Variants in TTC39B observed in about 807,000 individuals in gnomAD.
TTC39B encodes the protein tetratricopeptide repeat domain 39B.
A neutral mutation model predicts 96.6 loss-of-function variants in TTC39B; 92 were observed. The ratio of observed to expected loss-of-function variants is 0.95; its 90% CI spans 0.80 to 1.13. The LOEUF (loss-of-function observed/expected upper bound fraction) is 1.13. Among genes scored for constraint, TTC39B ranks in the 50% most tolerant of loss-of-function variants. The pLI, the probability that TTC39B is intolerant of heterozygous loss-of-function variation, is 0.00. For missense variants in TTC39B, 955 were observed against 809.3 expected, an observed-to-expected ratio of 1.18 and a Z score of -2.18; for synonymous variants, 367 against 299.4, an observed-to-expected ratio of 1.23 and a Z score of -2.33.
intron 8 of TTC39B, among the ~76,000 whole-genome samples, chr9:15,195,377 AC>A (rs1819099060): frequency 6.6e-6 from 1 of 152,148 alleles, no homozygotes; most frequent in Non-Finnish European, 1.5e-5. Context: ...CATCTCTATA[AC>A]AAAAAAGTGC....
chr9:15,167,018 A>T (rs1160343843), exon 20 of TTC39B: 205 of 6,784 alleles, frequency 0.03, 27 homozygotes, highest in East Asian at 0.066. Context: ...ATATATATAT[A>T]TATATATATA....
At chr9:15,239,411 C>A (rs1199456184) in intron 2 of TTC39B, among the ~76,000 whole-genome samples, 1 of 152,166 alleles carries the variant, frequency 6.6e-6, no homozygotes, top group Non-Finnish European at 1.5e-5. Context: ...AATCCCACTG[C>A]CTGGTATCTA....
chr9:15,179,056 C>T (rs1389906630), intron 17 of TTC39B, among the ~76,000 whole-genome samples: 1 of 152,190 alleles, frequency 6.6e-6, no homozygotes, highest in Non-Finnish European at 1.5e-5. Flanking sequence ...AGGATTTTTT[C>T]ACCACTTTTT....
At chr9:15,230,708 A>T (rs1821371575) in intron 2 of TTC39B, among the ~76,000 whole-genome samples, 1 of 152,210 alleles carries the variant, frequency 6.6e-6, no homozygotes, top group Non-Finnish European at 1.5e-5. Context: ...TGGCCAAGGC[A>T]TGGTGGCTCA....
chr9:15,170,949 A>C lies in TTC39B; in HGVS notation c.*1070T>G, dbSNP rs991922186. 3 of 152,218 alleles carry C rather than the reference A, an allele frequency of 2.0e-5. No homozygotes were observed. In the East Asian group the frequency reaches 5.8e-4, roughly 29 times the overall value. The allele number at this position is 152,218 out of a possible 1,614,324, so 9.4% of individuals were successfully genotyped here. On this transcript the variant is annotated 3_prime_UTR_variant, in exon 20 of 20. Transcript: ENST00000512701. ...GACCTTGAAAGTCATCTGTTCTTTA[A>C]TCTTGATTTCACAGAAGAAAATGTG...
intron 6 of TTC39B, among the ~76,000 whole-genome samples, chr9:15,204,121 G>A (rs1819704458): frequency 6.6e-6 from 1 of 152,330 alleles, no homozygotes; most frequent in South Asian, 2.1e-4. Context: ...AAATGTAACT[G>A]CAAAGAGTCA....
chr9:15,219,476 TTG>T (rs1820721296), intron 3 of TTC39B, among the ~76,000 whole-genome samples: 1 of 152,212 alleles, frequency 6.6e-6, no homozygotes, highest in Non-Finnish European at 1.5e-5. Context: ...AGGGATTTTA[TTG>T]TGTTACAATA....
chr9:15,210,149 G>A (rs775326824), exon 6 of TTC39B: 1 of 1,600,736 alleles, frequency 6.2e-7, no homozygotes, highest in South Asian at 1.1e-5. Context: ...CTACAACTGT[G>A]TATTTTTTCC....
chr9:15,166,303 G>C (rs892130498), exon 20 of TTC39B: 4 of 152,130 alleles, frequency 2.6e-5, no homozygotes, highest in African/African-American at 9.7e-5. Context: ...GTGATGTCCT[G>C]TTACAGTATT....
At chr9:15,199,607 C>A (rs944679290) in intron 8 of TTC39B, among the ~76,000 whole-genome samples, 1 of 151,152 alleles carries the variant, frequency 6.6e-6, no homozygotes, top group African/African-American at 2.4e-5. Context: ...TGGTGGCGGG[C>A]GCCTGTAGTC....
chr9:15,172,227 C>A (rs936642804), intron 19 of TTC39B, 118 bp from the exon 20 acceptor site: 5 of 578,216 alleles, frequency 8.6e-6, no homozygotes, highest in South Asian at 3.2e-5. Flanking sequence ...TATACATAAC[C>A]GTAGATCTTA....
chr9:15,190,424 C>T, intron 11 of TTC39B, 130 bp downstream of exon 11: 1 of 699,796 alleles, frequency 1.4e-6, no homozygotes, highest in Non-Finnish European at 2.5e-6. Context: ...TAGCTCACCG[C>T]AGCCTCAAAC....
At chr9:15,195,498 T>C (rs1819107092) in intron 8 of TTC39B, among the ~76,000 whole-genome samples, 1 of 151,562 alleles carries the variant, frequency 6.6e-6, no homozygotes, top group Non-Finnish European at 1.5e-5. Flanking sequence ...GGTGAAACCT[T>C]GCCTCTACTA....
chr9:15,254,993 A>C (rs1822702185), intron 2 of TTC39B, among the ~76,000 whole-genome samples: 1 of 152,062 alleles, frequency 6.6e-6, no homozygotes, highest in African/African-American at 2.4e-5. Context: ...ACCAAATACT[A>C]TGCCCACACC....
chr9:15,235,840 A>T (rs533621842), intron 2 of TTC39B, among the ~76,000 whole-genome samples: 1 of 152,240 alleles, frequency 6.6e-6, no homozygotes, highest in Non-Finnish European at 1.5e-5. Flanking sequence ...TGAAAGGACA[A>T]TACTCACCAT....
chr9:15,291,633 C>T (rs2131603406), intron 1 of TTC39B, among the ~76,000 whole-genome samples: 1 of 152,266 alleles, frequency 6.6e-6, no homozygotes. Flanking sequence ...TGCTATTTAT[C>T]CAACATGTTT....
At chr9:15,171,990 G>C in exon 20 of TTC39B, 1 of 1,550,704 alleles carries the variant, frequency 6.4e-7, no homozygotes, top group Non-Finnish European at 8.9e-7. Flanking sequence ...GATGCTAATT[G>C]AGGAAAAATT....
At chr9:15,236,384 A>G (rs982611119) in intron 2 of TTC39B, among the ~76,000 whole-genome samples, 10 of 152,262 alleles carry the variant, frequency 6.6e-5, no homozygotes, top group Admixed American at 2.6e-4. Context: ...AGGGACTTCA[A>G]CACCTCCACT....
At chr9:15,206,726 A>G (rs1401537542) in intron 6 of TTC39B, among the ~76,000 whole-genome samples, 1 of 152,020 alleles carries the variant, frequency 6.6e-6, no homozygotes, top group African/African-American at 2.4e-5. Context: ...ATAATAGGCT[A>G]TAGTCACAAG....
Sources: gnomAD v4.1 joint callset for allele counts (sites outside exome capture counted in the v4.1 genomes callset) on GRCh38, gnomAD v4.1.1 for gene constraint, MANE v1.5 for transcripts, NCBI Gene and HGNC (gene_info 2026-07-23, HGNC 2026-07-21) for gene names.